Variants in VNN1 observed in about 807,000 individuals in gnomAD.
VNN1 encodes the protein pantetheinase.
In VNN1, 29 loss-of-function variants were observed where a neutral mutation model predicts 41.9. That is an observed-to-expected ratio of 0.69 (90% confidence interval 0.52 to 0.94). VNN1 has a LOEUF of 0.94. VNN1 is among the 40% of genes least tolerant of loss of function. VNN1 has a pLI of 0.00. For synonymous variants in VNN1, 233 were observed against 224.4 expected (o/e 1.04, Z -0.34); for missense variants, 637 against 621.1 (o/e 1.03, Z -0.27).
At chr6:132,694,316 A>C in intron 2 of VNN1, 134 bp from the exon 3 acceptor site, 1 of 964,184 alleles carries the variant, frequency 1.0e-6, no homozygotes. Context: ...TAATTAGAAG[A>C]GAAGTATTAA....
intron 2 of VNN1, among the ~76,000 whole-genome samples, chr6:132,695,763 T>C (rs2262437): frequency 0.43 from 65,830 of 151,948 alleles, 15,400 homozygotes; most frequent in African/African-American, 0.6. Flanking sequence ...CAGGGAAAGG[T>C]ACAGACTCAT....
intron 2 of VNN1, among the ~76,000 whole-genome samples, chr6:132,708,122 T>C (rs759445849): frequency 6.6e-6 from 1 of 152,196 alleles, no homozygotes; most frequent in Non-Finnish European, 1.5e-5. Flanking sequence ...GTTGAATAAG[T>C]AAATTCATCT....
chr6:132,702,550 G>C (rs1053765266), intron 2 of VNN1, among the ~76,000 whole-genome samples: 8 of 152,152 alleles, frequency 5.3e-5, no homozygotes, highest in Admixed American at 3.9e-4. Context: ...AGTCAAAGGA[G>C]TGGTTGCATC....
chr6:132,684,359 A>T lies in VNN1; in HGVS notation c.1335T>A (p.Asn445Lys). The T allele has an allele frequency of 6.2e-7, 1 of 1,612,612 alleles. No individual in the cohort carries two copies. The highest frequency in any genetic ancestry group is 8.5e-7 in the Non-Finnish European group (1 of 1,179,176). ...CCTGAAATTCTCCAGGTGCAAGCTG[A>T]TTTTCACTCAGCAACACCTCAGGAA... Reference protein sequence around the residue: ...YVFPEVLLSENQLAPGEFQVS... With the variant: ...YVFPEVLLSEKQLAPGEFQVS... The change falls in exon 6 of 7, where the codon AAT becomes AAA. Residue 445 changes from asparagine (N) to lysine (K), a missense_variant. Asn to Lys is a moderately conservative substitution (Grantham distance 94). Transcript: ENST00000367928.
At chr6:132,700,106 T>C (rs1237360394) in intron 2 of VNN1, among the ~76,000 whole-genome samples, 2 of 152,202 alleles carry the variant, frequency 1.3e-5, no homozygotes, top group African/African-American at 4.8e-5. Flanking sequence ...TATTCATATG[T>C]AAGCAAAATC....
chr6:132,702,701 A>T (rs1387056796), intron 2 of VNN1, among the ~76,000 whole-genome samples: 1 of 152,198 alleles, frequency 6.6e-6, no homozygotes, highest in Non-Finnish European at 1.5e-5. Context: ...ATAAAGCACC[A>T]AGTAGAGTAC....
At chr6:132,687,499 C>T (rs1003523720) in intron 5 of VNN1, among the ~76,000 whole-genome samples, 15 of 152,190 alleles carry the variant, frequency 9.9e-5, no homozygotes, top group Non-Finnish European at 1.0e-4. Context: ...TCCAGGATGA[C>T]TCCTATCGTA....
intron 6 of VNN1, 136 bp downstream of exon 6, chr6:132,684,199 C>T (rs1778172045): frequency 1.2e-6 from 1 of 868,850 alleles, no homozygotes; most frequent in Non-Finnish European, 1.7e-6. Flanking sequence ...GCTCAATGTC[C>T]TTCATGATCC....
At chr6:132,694,300 T>C in intron 2 of VNN1, 118 bp from the exon 3 acceptor site, 1 of 1,017,684 alleles carries the variant, frequency 9.8e-7, no homozygotes, top group Non-Finnish European at 1.4e-6. Flanking sequence ...AAATTCTAAA[T>C]AACAATAATT....
intron 2 of VNN1, among the ~76,000 whole-genome samples, chr6:132,705,371 C>T (rs554020496): frequency 1.3e-5 from 2 of 152,118 alleles, no homozygotes; most frequent in Non-Finnish European, 2.9e-5. Context: ...GTTCAACATG[C>T]ACAAATCAAT....
At chr6:132,694,946 A>C (rs1778347364) in intron 2 of VNN1, among the ~76,000 whole-genome samples, 1 of 152,158 alleles carries the variant, frequency 6.6e-6, no homozygotes, top group South Asian at 2.1e-4. Flanking sequence ...TGAGGTCAGG[A>C]GTTCGAGACC....
At chr6:132,710,279 AC>A (rs1292851097) in intron 2 of VNN1, among the ~76,000 whole-genome samples, 1 of 152,046 alleles carries the variant, frequency 6.6e-6, no homozygotes, top group Non-Finnish European at 1.5e-5. Context: ...CAAACTCCTG[AC>A]CTCAGGTGAT....
At chr6:132,692,622 A>G (rs752548066) in intron 4 of VNN1, 38 bp from the exon 5 acceptor site, 2 of 1,519,328 alleles carry the variant, frequency 1.3e-6, no homozygotes, top group African/African-American at 2.8e-5. Flanking sequence ...TTGAAATTGG[A>G]AAGTAAAAAG....
chr6:132,708,392 T>C (rs1036501754), intron 2 of VNN1, among the ~76,000 whole-genome samples: 1 of 152,140 alleles, frequency 6.6e-6, no homozygotes, highest in Non-Finnish European at 1.5e-5. Context: ...AATTAGAAAC[T>C]TCAAATCCTT....
chr6:132,685,328 C>A (rs1406783854), intron 5 of VNN1, among the ~76,000 whole-genome samples: 1 of 152,168 alleles, frequency 6.6e-6, no homozygotes, highest in East Asian at 1.9e-4. Flanking sequence ...TCCAAGTCAC[C>A]TTCATCTCTT....
chr6:132,700,244 G>T (rs1434402041), intron 2 of VNN1, among the ~76,000 whole-genome samples: 1 of 152,140 alleles, frequency 6.6e-6, no homozygotes, highest in East Asian at 1.9e-4. Context: ...GCAGTTAGAT[G>T]ACTGTAAAGT....
chr6:132,692,742 A>G (rs1420295127), intron 4 of VNN1, among the ~76,000 whole-genome samples, 158 bp from the exon 5 acceptor site: 2 of 152,230 alleles, frequency 1.3e-5, no homozygotes, highest in Non-Finnish European at 1.5e-5. Context: ...CAGAGAAGTG[A>G]GAGGAAATCA....
chr6:132,696,002 G>T (rs2840821), intron 2 of VNN1, among the ~76,000 whole-genome samples: 65,814 of 151,920 alleles, frequency 0.43, 15,376 homozygotes, highest in African/African-American at 0.6. Context: ...ATAAACCAAC[G>T]AAAATCATCC....
chr6:132,708,303 A>G (rs12527885), intron 2 of VNN1, among the ~76,000 whole-genome samples: 18,516 of 152,198 alleles, frequency 0.12, 1,632 homozygotes, highest in South Asian at 0.23. Context: ...GATGCCTCAT[A>G]ACAACTGCTT....
Sources: gnomAD v4.1 joint callset for allele counts (sites outside exome capture counted in the v4.1 genomes callset) on GRCh38, gnomAD v4.1.1 for gene constraint, MANE v1.5 for transcripts, NCBI Gene and HGNC (gene_info 2026-07-23, HGNC 2026-07-21) for gene names.